Variants in TIMM23B observed in about 807,000 individuals in gnomAD.
TIMM23B encodes the protein mitochondrial import inner membrane translocase subunit Tim23B.
Under a neutral mutation model 27.3 loss-of-function variants are expected in TIMM23B, and 27 were observed. The ratio of observed to expected loss-of-function variants is 0.99; its 90% CI spans 0.73 to 1.36. The LOEUF is 1.36. Ranked by LOEUF, TIMM23B falls within the 40% of genes most tolerant of loss-of-function variation. TIMM23B has a pLI of 0.00. For missense variants in TIMM23B, 205 were observed against 244.2 expected, an observed-to-expected ratio of 0.84 and a Z score of 1.07; for synonymous variants, 73 against 92.4, an observed-to-expected ratio of 0.79 and a Z score of 1.21.
At chr10:49,955,451 T>G (rs1308838785) in intron 5 of TIMM23B, among the ~76,000 whole-genome samples, 1 of 152,254 alleles carries the variant, frequency 6.6e-6, no homozygotes, top group African/African-American at 2.4e-5. Flanking sequence ...TGCTATGTTT[T>G]CTTAATAGCG....
intron 4 of TIMM23B, among the ~76,000 whole-genome samples, chr10:49,953,331 C>T (rs1438847724): frequency 6.6e-6 from 1 of 151,914 alleles, no homozygotes; most frequent in African/African-American, 2.4e-5. Flanking sequence ...CCATGGGAAA[C>T]TGGAAGGCCT....
chr10:49,953,737 G>A (rs1301001112), intron 4 of TIMM23B, among the ~76,000 whole-genome samples: 2 of 151,846 alleles, frequency 1.3e-5, no homozygotes, highest in African/African-American at 4.8e-5. Flanking sequence ...CTTGTCCCTC[G>A]CTTCAATAAT....
In TIMM23B at chr10:49,946,679, A is replaced by C. The variant is rs1381059681; in HGVS notation, c.165+1589A>C. Among the ~76,000 whole-genome samples the C allele has an allele frequency of 3.0e-4, 45 of 149,720 alleles. 1 individual carries two copies. The highest frequency in any genetic ancestry group is 9.4e-4 in the African/African-American group (38 of 40,574). On this transcript the variant is annotated intron_variant, in intron 2 of 6. Transcript: ENST00000651259. ...AAACTATAAAACATTATTGAAATTAAGTGGAAAGACACATGCTATGATCCT... is the reference window on the plus strand; with the variant it reads ...AAACTATAAAACATTATTGAAATTACGTGGAAAGACACATGCTATGATCCT...
chr10:49,952,372 A>G, intron 3 of TIMM23B, 77 bp from the exon 4 acceptor site: 1 of 1,525,300 alleles, frequency 6.6e-7, no homozygotes, highest in Non-Finnish European at 8.9e-7. Context: ...AAGAATCAGA[A>G]GTGTAGTTAT....
At chr10:49,964,768 A>G (rs1351003415) in intron 6 of TIMM23B, among the ~76,000 whole-genome samples, 4 of 152,132 alleles carry the variant, frequency 2.6e-5, no homozygotes, top group Non-Finnish European at 5.9e-5. Context: ...GAAATAATGA[A>G]TAATGAAATG....
rs1158309519 is a variant in TIMM23B, at chr10:49,958,495, A to G, written c.514+15A>G. 2 of 1,607,056 alleles carry G rather than the reference A, an allele frequency of 1.2e-6. No homozygotes were observed. On this transcript the variant is annotated intron_variant, in intron 6 of 6. Transcript: ENST00000651259. ...TAAATGTACAGGTGAGTACTGTTGA[A>G]TGGGGAGCCATCTCTTAATATACTT... is the stretch of plus-strand genomic sequence containing the variant.
Position 49,952,246 on chromosome 10 carries a change from G to T in TIMM23B, c.259+27G>T. ...TGAGTGTTACATACTTTTTTCTCAA[G>T]AGTGCTCAGTTCAAGTAGTTGAGGG... On this transcript the variant is annotated intron_variant, in intron 3 of 6. Coordinates refer to ENST00000651259, the MANE Select transcript of TIMM23B (RefSeq NM_001290117.2). 4.4e-6 allele frequency: 7 copies of T among 1,587,424 alleles called. 1 individual carries two copies. In the South Asian group the frequency reaches 7.7e-5, roughly 18 times the overall value.
chr10:49,958,308 G>A, intron 5 of TIMM23B, 62 bp from the exon 6 acceptor site: 1 of 1,127,420 alleles, frequency 8.9e-7, no homozygotes, highest in Middle Eastern at 2.0e-4. Flanking sequence ...ACCAATATAT[G>A]TATATCATAA....
chr10:49,964,013 G>A (rs137943880), intron 6 of TIMM23B, among the ~76,000 whole-genome samples: 10,535 of 151,974 alleles, frequency 0.069, 496 homozygotes, highest in African/African-American at 0.12. Context: ...AATGAATAAT[G>A]AAATGCGTGT....
rs1554857020 is a variant in TIMM23B at position 49,973,572 on chromosome 10, G to C, written c.*508G>C. The C allele has an allele frequency of 6.5e-6, 1 of 153,876 alleles. No individual in the cohort carries two copies. The highest frequency in any genetic ancestry group is 2.4e-5 in the African/African-American group (1 of 41,032). The allele number at this position is 153,876 out of a possible 1,614,324, so 9.5% of individuals were successfully genotyped here. A position where few individuals can be genotyped will look rare whatever the true frequency, so the allele number is the denominator to read the frequency against. On this transcript the variant is annotated 3_prime_UTR_variant, in exon 7 of 7. Coordinates refer to ENST00000651259, the MANE Select transcript of TIMM23B (RefSeq NM_001290117.2). Reference sequence around the variant, plus strand: ...CATTCCTATAGTTCAGGCTACTGAGGAGCCTGATGTAGGAGGATCACGTGA... The same window carrying C: ...CATTCCTATAGTTCAGGCTACTGAGCAGCCTGATGTAGGAGGATCACGTGA...
At chr10:49,954,779 G>A (rs1160752892) in intron 4 of TIMM23B, among the ~76,000 whole-genome samples, 3 of 149,262 alleles carry the variant, frequency 2.0e-5, no homozygotes, top group African/African-American at 7.4e-5. Context: ...TTATATAAAA[G>A]TCCTTAAGAC....
chr10:49,960,210 ATT>A (rs71258794), intron 6 of TIMM23B, among the ~76,000 whole-genome samples: 154 of 137,872 alleles, frequency 1.1e-3, no homozygotes, highest in Admixed American at 2.6e-3. Context: ...CACCCAGCTA[ATT>A]TTTTTTTTTT....
chr10:49,954,895 A>C, intron 4 of TIMM23B, 107 bp from the exon 5 acceptor site: 6 of 1,211,520 alleles, frequency 5.0e-6, no homozygotes, highest in African/African-American at 3.1e-5. Context: ...AATTTAAAAA[A>C]CTTTGCGCCC....
At chr10:49,952,292 TA>T in intron 3 of TIMM23B, 73 bp downstream of exon 3, 1 of 1,495,670 alleles carries the variant, frequency 6.7e-7, no homozygotes, top group Non-Finnish European at 9.2e-7. Context: ...CAAAAGCAAT[TA>T]GAATGTTGGT....
intron 2 of TIMM23B, among the ~76,000 whole-genome samples, chr10:49,947,792 T>C (rs1271076351): frequency 1.3e-5 from 2 of 151,742 alleles, no homozygotes; most frequent in African/African-American, 4.8e-5. Context: ...TAGCGGGGTG[T>C]GGTGGTATGC....
intron 6 of TIMM23B, among the ~76,000 whole-genome samples, chr10:49,963,703 C>T (rs1348916380): frequency 6.6e-6 from 1 of 152,142 alleles, no homozygotes; most frequent in Non-Finnish European, 1.5e-5. Flanking sequence ...CGGTGGCTCA[C>T]GCCTGTAATC....
intron 1 of TIMM23B, 40 bp from the exon 2 acceptor site, chr10:49,944,992 A>T: frequency 6.4e-7 from 1 of 1,570,764 alleles, no homozygotes; most frequent in African/African-American, 1.4e-5. Flanking sequence ...GATTAACTTA[A>T]AGAATTTTGT....
In TIMM23B at chr10:49,942,159, G is replaced by C; in HGVS notation, c.-36G>C. ...GGCCCAGCGGACCACCCAGGCTTGA[G>C]GCAGCGGCGGGAACCACTCGGTTTG... On this transcript the variant is annotated 5_prime_UTR_variant, in exon 1 of 7. Coordinates refer to ENST00000651259, the MANE Select transcript of TIMM23B (RefSeq NM_001290117.2). 1 of 1,558,158 alleles carries C rather than the reference G, an allele frequency of 6.4e-7. No individual in the cohort carries two copies. The highest frequency in any genetic ancestry group is 8.7e-7 in the Non-Finnish European group (1 of 1,148,790).
chr10:49,959,843 G>C (rs1237901753), intron 6 of TIMM23B, among the ~76,000 whole-genome samples: 1 of 151,762 alleles, frequency 6.6e-6, no homozygotes, highest in Non-Finnish European at 1.5e-5. Flanking sequence ...CCACCTCCTG[G>C]GATCAAGCAG....
Sources: allele counts gnomAD v4.1 joint callset (sites outside exome capture counted in the v4.1 genomes callset), GRCh38; gene constraint gnomAD v4.1.1; transcripts MANE v1.5; gene names NCBI Gene and HGNC (gene_info 2026-07-23, HGNC 2026-07-21).